The following SDK1 variants were observed in gnomAD, a reference collection of about 807,000 sequenced individuals.
The protein encoded by SDK1 is sidekick cell adhesion molecule 1.
Under a neutral mutation model 245.5 loss-of-function variants are expected in SDK1, and 157 were observed. The observed-to-expected ratio is 0.64, with a 90% CI of 0.56 to 0.73. The LOEUF is 0.73. Among genes scored for constraint, SDK1 ranks in the 30% least tolerant of loss-of-function variants. The pLI is 0.00. For missense variants in SDK1, 3,583 were observed against 3,002.3 expected (o/e 1.19, Z -4.52); for synonymous variants, 1,647 against 1,278.5 (o/e 1.29, Z -6.15).
intron 1 of SDK1, among the ~76,000 whole-genome samples, chr7:3,502,357 C>G (rs1024520237): frequency 1.1e-4 from 17 of 152,130 alleles, no homozygotes; most frequent in African/African-American, 3.6e-4. Context: ...TCAAGCTATT[C>G]TCTTGCCTCA....
At chr7:3,374,169 G>A (rs1391809177) in intron 1 of SDK1, among the ~76,000 whole-genome samples, 1 of 152,074 alleles carries the variant, frequency 6.6e-6, no homozygotes, top group Non-Finnish European at 1.5e-5. Context: ...TGAAGGACTG[G>A]GGAATTGGGG....
chr7:3,412,257 A>G (rs1314252340), intron 1 of SDK1, among the ~76,000 whole-genome samples: 1 of 152,192 alleles, frequency 6.6e-6, no homozygotes, highest in Non-Finnish European at 1.5e-5. Context: ...CACTCAGGCT[A>G]TTCCCCAGAG....
In SDK1 at chr7:3,481,477, C is replaced by T. The variant is rs889103481; in HGVS notation, c.299-137603C>T. On this transcript the variant is annotated intron_variant, in intron 1 of 44. Coordinates refer to ENST00000404826, the MANE Select transcript of SDK1 (RefSeq NM_152744.4). ...ACACGCTGTTCTGTGCTCCCAGAGTCTGACCTCTTTGGACTGTTAGTGAGC... is the reference window on the plus strand; with the variant it reads ...ACACGCTGTTCTGTGCTCCCAGAGTTTGACCTCTTTGGACTGTTAGTGAGC... Among the ~76,000 whole-genome samples, 15 of 152,254 alleles carry T rather than the reference C, an allele frequency of 9.9e-5. 1 individual carries two copies. The highest frequency in any genetic ancestry group is 3.6e-4 in the African/African-American group (15 of 41,468).
intron 1 of SDK1, among the ~76,000 whole-genome samples, chr7:3,611,971 A>G (rs1781608431): frequency 6.6e-6 from 1 of 152,196 alleles, no homozygotes; most frequent in South Asian, 2.1e-4. Flanking sequence ...ACTGGAGACC[A>G]TTATTCTAAG....
At chr7:3,464,203 G>T (rs919335193) in intron 1 of SDK1, among the ~76,000 whole-genome samples, 2 of 152,170 alleles carry the variant, frequency 1.3e-5, no homozygotes, top group Non-Finnish European at 2.9e-5. Flanking sequence ...TTTGGGGACA[G>T]AGTAACTTTT....
At chr7:4,054,967 T>A (rs1416399195) in intron 19 of SDK1, among the ~76,000 whole-genome samples, 1 of 152,248 alleles carries the variant, frequency 6.6e-6, no homozygotes, top group Non-Finnish European at 1.5e-5. Context: ...CAGTGTATAA[T>A]TCTTTTCATA....
intron 42 of SDK1, 138 bp from the exon 43 acceptor site, chr7:4,241,655 G>A (rs1786525416): frequency 9.9e-7 from 1 of 1,009,958 alleles, no homozygotes; most frequent in South Asian, 1.6e-5. Context: ...CCTAAGCACA[G>A]CTGAAGCAGG....
chr7:3,439,164 T>C (rs1780120831), intron 1 of SDK1, among the ~76,000 whole-genome samples: 1 of 152,134 alleles, frequency 6.6e-6, no homozygotes, highest in African/African-American at 2.4e-5. Flanking sequence ...CCCTTTCTAT[T>C]AATTATCCAA....
intron 4 of SDK1, among the ~76,000 whole-genome samples, chr7:3,728,484 C>A (rs536775210): frequency 6.6e-6 from 1 of 152,290 alleles, no homozygotes; most frequent in South Asian, 2.1e-4. Context: ...CAACTGTAGT[C>A]TTTTACACAT....
chr7:3,872,145 AATAAT>A (rs1227489014), intron 5 of SDK1, among the ~76,000 whole-genome samples: 1 of 152,200 alleles, frequency 6.6e-6, no homozygotes, highest in Non-Finnish European at 1.5e-5. Flanking sequence ...CCCAATTGGT[AATAAT>A]ATGTTATTCT....
At chr7:3,597,777 C>T (rs879594432) in intron 1 of SDK1, among the ~76,000 whole-genome samples, 3 of 152,146 alleles carry the variant, frequency 2.0e-5, no homozygotes, top group Admixed American at 2.0e-4. Flanking sequence ...TGACTTTTTT[C>T]ACCCATCAAA....
At chr7:4,138,238 A>G (rs1378661076) in intron 28 of SDK1, among the ~76,000 whole-genome samples, 1 of 152,134 alleles carries the variant, frequency 6.6e-6, no homozygotes, top group East Asian at 1.9e-4. Flanking sequence ...TGCATCCTAA[A>G]GGTCAGGGGA....
At chr7:4,020,499 T>G (rs1786802362) in intron 17 of SDK1, among the ~76,000 whole-genome samples, 2 of 151,998 alleles carry the variant, frequency 1.3e-5, no homozygotes, top group African/African-American at 4.8e-5. Context: ...TAGAAAGAGC[T>G]GGGGAGGTGA....
intron 32 of SDK1, among the ~76,000 whole-genome samples, chr7:4,165,572 C>T (rs1020720262): frequency 6.6e-6 from 1 of 151,872 alleles, no homozygotes; most frequent in African/African-American, 2.4e-5. Context: ...TCACTGCAAC[C>T]TCTGCCTCCC....
Position 3,319,497 on chromosome 7 carries a change from C to G in SDK1, c.298+17613C>G, listed in dbSNP as rs147023355. Among the ~76,000 whole-genome samples the G allele has an allele frequency of 7.9e-3, 1,204 of 152,282 alleles. 16 individuals carry two copies. Among genetic ancestry groups the G allele is most frequent in the African/African-American group, 0.028 (1,171 of 41,568 alleles). On this transcript the variant is annotated intron_variant, in intron 1 of 44. Coordinates refer to ENST00000404826, the MANE Select transcript of SDK1 (RefSeq NM_152744.4). ...AAGCTGGCTTACCTTTTAGAAGTTT[C>G]TTTTTATTATCTCCTCAAGAGTACA...
chr7:3,410,650 G>C (rs996268577), intron 1 of SDK1, among the ~76,000 whole-genome samples: 3 of 139,016 alleles, frequency 2.2e-5, no homozygotes, highest in Non-Finnish European at 4.5e-5. Context: ...GCAGTGGCAC[G>C]ATCTCAGCTT....
chr7:3,775,604 C>G (rs1780531917), intron 4 of SDK1, among the ~76,000 whole-genome samples: 1 of 148,794 alleles, frequency 6.7e-6, no homozygotes, highest in South Asian at 2.1e-4. Flanking sequence ...GAGTCTTGCT[C>G]TGTCGCCCAG....
intron 1 of SDK1, among the ~76,000 whole-genome samples, chr7:3,437,621 G>A (rs560903652): frequency 5.3e-5 from 8 of 152,070 alleles, no homozygotes; most frequent in African/African-American, 1.7e-4. Flanking sequence ...AATAAAGTTA[G>A]CTGGATGTGA....
chr7:3,370,453 A>G (rs770043786), intron 1 of SDK1, among the ~76,000 whole-genome samples: 2 of 152,232 alleles, frequency 1.3e-5, no homozygotes, highest in Non-Finnish European at 2.9e-5. Flanking sequence ...CATTAAATGC[A>G]CAGGAGCAGC....
Sources: gnomAD v4.1 joint callset for allele counts (sites outside exome capture counted in the v4.1 genomes callset) on GRCh38, gnomAD v4.1.1 for gene constraint, MANE v1.5 for transcripts, NCBI Gene and HGNC (gene_info 2026-07-23, HGNC 2026-07-21) for gene names.